TRPM3: variants seen among roughly 807,000 people sequenced by gnomAD.
TRPM3 encodes the protein transient receptor potential cation channel subfamily M member 3.
A neutral mutation model predicts 181.2 loss-of-function variants in TRPM3; 77 were observed. The observed-to-expected ratio is 0.42, with a 90% CI of 0.35 to 0.51. TRPM3 has a LOEUF of 0.51. Ranked by LOEUF, TRPM3 falls within the 20% of genes least tolerant of loss-of-function variation. The pLI is 0.01. For missense variants in TRPM3, 1,759 were observed against 2,196.7 expected (o/e 0.80, Z 3.98); for synonymous variants, 745 against 796.4 (o/e 0.94, Z 1.09).
chr9:71,135,605 A>G (rs1385379820), intron 1 of TRPM3, among the ~76,000 whole-genome samples: 1 of 152,218 alleles, frequency 6.6e-6, no homozygotes. Context: ...CCTATTTTGA[A>G]TAGAAAGCAA....
At position 71,035,825 on chromosome 9, in the gene TRPM3, T is replaced by C. The variant is rs117098295; in HGVS notation, c.177+85353A>G. On this transcript the variant is annotated intron_variant, in intron 1 of 25. Coordinates refer to ENST00000677713, the MANE Select transcript of TRPM3 (RefSeq NM_001366145.2). ...GGACCTCTCAGAAAAATTTCACAGT[T>C]ACTACCCTTGAAGAACTTATCATTC... Among the ~76,000 whole-genome samples, 753 of 152,238 alleles carry C rather than the reference T, an allele frequency of 4.9e-3. 18 individuals carry two copies. The East Asian group carries it at 0.077, about 16-fold the overall frequency.
intron 21 of TRPM3, among the ~76,000 whole-genome samples, chr9:70,593,406 A>T (rs993667709): frequency 2.0e-5 from 3 of 152,156 alleles, no homozygotes; most frequent in Admixed American, 6.5e-5. Context: ...AAAAGCACAC[A>T]TGGGTCCTTC....
intron 1 of TRPM3, among the ~76,000 whole-genome samples, chr9:71,031,248 T>C (rs1442642956): frequency 6.6e-6 from 1 of 152,230 alleles, no homozygotes; most frequent in Non-Finnish European, 1.5e-5. Flanking sequence ...TATTAGGTGC[T>C]AGATATAGTC....
At chr9:70,679,675 T>C (rs1425508791) in intron 9 of TRPM3, among the ~76,000 whole-genome samples, 4 of 152,214 alleles carry the variant, frequency 2.6e-5, no homozygotes, top group African/African-American at 9.7e-5. Context: ...CCCAATTTCC[T>C]TATTTATAAA....
intron 9 of TRPM3, among the ~76,000 whole-genome samples, chr9:70,653,868 T>C (rs1362977879): frequency 6.6e-6 from 1 of 152,100 alleles, no homozygotes; most frequent in East Asian, 1.9e-4. Context: ...TCTGTTTTCT[T>C]TGTGGAGTTT....
chr9:71,309,305 T>C (rs2087692940), intron 1 of TRPM3, among the ~76,000 whole-genome samples: 1 of 152,196 alleles, frequency 6.6e-6, no homozygotes, highest in African/African-American at 2.4e-5. Flanking sequence ...AGAATTTCTA[T>C]GTTTCATGGA....
At chr9:71,010,135 C>A (rs1388586729) in intron 1 of TRPM3, among the ~76,000 whole-genome samples, 3 of 151,832 alleles carry the variant, frequency 2.0e-5, no homozygotes, top group Non-Finnish European at 1.5e-5. Context: ...GTACTAGAAG[C>A]AAAAATAGGA....
chr9:71,379,806 C>CT lies in TRPM3; in HGVS notation c.183+66846dup, dbSNP rs1215998066. Among the ~76,000 whole-genome samples the CT allele has an allele frequency of 7.2e-4, 110 of 152,042 alleles. 1 individual carries two copies. The highest frequency in any genetic ancestry group is 1.0e-4 in the Non-Finnish European group (7 of 67,930). ...GCCCTGACCTCAAAATATTTATAGT[C>CT]TAGCAGAGAAGAAGCTCGAATGGTC... On this transcript the variant is annotated intron_variant, in intron 1 of 24. Coordinates refer to the TRPM3 transcript ENST00000357533.
intron 1 of TRPM3, among the ~76,000 whole-genome samples, chr9:71,362,574 C>T (rs575332147): frequency 2.1e-4 from 32 of 152,236 alleles, no homozygotes; most frequent in Middle Eastern, 6.8e-3. Context: ...CTTATACACT[C>T]TAAAAATATA....
Position 70,553,329 on chromosome 9 carries a change from A to T in TRPM3, c.3224-19T>A. ...CAGGGAGCTGGAGGGAGCAACACAC[A>T]CAAGAAATGAGAAACTGGCTATTTG... On this transcript the variant is annotated intron_variant, in intron 22 of 25. Coordinates refer to ENST00000677713, the MANE Select transcript of TRPM3 (RefSeq NM_001366145.2). The T allele has an allele frequency of 6.2e-7, 1 of 1,611,590 alleles. No individual in the cohort carries two copies. The highest frequency in any genetic ancestry group is 8.5e-7 in the Non-Finnish European group (1 of 1,178,398).
At chr9:71,061,019 AT>A (rs1264214842) in intron 1 of TRPM3, among the ~76,000 whole-genome samples, 3 of 152,106 alleles carry the variant, frequency 2.0e-5, no homozygotes, top group African/African-American at 7.2e-5. Flanking sequence ...CTGGGTCTTT[AT>A]CCCTCTAAAA....
chr9:70,538,032 G>T (rs1393506662), intron 25 of TRPM3, among the ~76,000 whole-genome samples: 1 of 152,042 alleles, frequency 6.6e-6, no homozygotes, highest in Non-Finnish European at 1.5e-5. Context: ...GAATTAATAT[G>T]GCCCAGTTAC....
chr9:70,790,784 T>A (rs1341031345), intron 6 of TRPM3, among the ~76,000 whole-genome samples: 3 of 152,208 alleles, frequency 2.0e-5, no homozygotes, highest in Non-Finnish European at 4.4e-5. Flanking sequence ...AAAAGTATTT[T>A]TTTTTCTTAG....
At chr9:71,236,080 T>C (rs915869208) in intron 1 of TRPM3, among the ~76,000 whole-genome samples, 1 of 152,206 alleles carries the variant, frequency 6.6e-6, no homozygotes, top group Non-Finnish European at 1.5e-5. Context: ...ACCAATGTCA[T>C]ATAATAAGTT....
At chr9:71,013,213 CT>C (rs934102847) in intron 1 of TRPM3, among the ~76,000 whole-genome samples, 1 of 151,904 alleles carries the variant, frequency 6.6e-6, no homozygotes, top group Non-Finnish European at 1.5e-5. Flanking sequence ...GATAATATGA[CT>C]TTTTTCCTTA....
chr9:71,388,632 T>G (rs909433817), intron 1 of TRPM3, among the ~76,000 whole-genome samples: 7 of 152,106 alleles, frequency 4.6e-5, no homozygotes, highest in Non-Finnish European at 8.8e-5. Context: ...GAGTACAGAG[T>G]ATATTCGGGC....
At chr9:71,171,241 C>G (rs541101874) in intron 1 of TRPM3, among the ~76,000 whole-genome samples, 1 of 152,276 alleles carries the variant, frequency 6.6e-6, no homozygotes, top group South Asian at 2.1e-4. Flanking sequence ...AATTTTGCCC[C>G]AGTCCTGTGG....
chr9:71,017,645 A>C (rs1029331005), intron 1 of TRPM3, among the ~76,000 whole-genome samples: 1 of 151,900 alleles, frequency 6.6e-6, no homozygotes, highest in East Asian at 1.9e-4. Context: ...GCCAATTCAC[A>C]TAAGAAAATT....
At chr9:70,680,591 G>A (rs1391184374) in intron 9 of TRPM3, among the ~76,000 whole-genome samples, 1 of 152,174 alleles carries the variant, frequency 6.6e-6, no homozygotes, top group Non-Finnish European at 1.5e-5. Flanking sequence ...CCTATCTAGG[G>A]AGATGACAAA....
Sources: gnomAD v4.1 joint callset for allele counts (sites outside exome capture counted in the v4.1 genomes callset) on GRCh38, gnomAD v4.1.1 for gene constraint, MANE v1.5 for transcripts, NCBI Gene and HGNC (gene_info 2026-07-23, HGNC 2026-07-21) for gene names.